Variants in AARSD1 observed in about 807,000 individuals in gnomAD.
AARSD1 encodes alanyl-tRNA synthetase domain containing 1.
In AARSD1, 44 loss-of-function variants were observed where a neutral mutation model predicts 48.7. That is an observed-to-expected ratio of 0.90 (90% CI 0.71 to 1.16). The LOEUF (loss-of-function observed/expected upper bound fraction) is 1.16. Ranked by LOEUF, AARSD1 falls within the 50% of genes most tolerant of loss-of-function variation. The pLI, the probability that AARSD1 is intolerant of heterozygous loss-of-function variation, is 0.00. For synonymous variants in AARSD1, 189 were observed against 194.9 expected (o/e 0.97, Z 0.25); for missense variants, 511 against 523.1 (o/e 0.98, Z 0.23).
chr17:42,953,650 A>C, intron 10 of AARSD1, 74 bp downstream of exon 10: 2 of 1,605,960 alleles, frequency 1.2e-6, no homozygotes, highest in Non-Finnish European at 1.7e-6. Context: ...GACTTTGGCT[A>C]AACTAGCGCC....
rs765516775 is a variant in AARSD1 at position 42,956,199 on chromosome 17, CT to C, written c.663+4del. 1 of 1,614,112 alleles carries C rather than the reference CT, an allele frequency of 6.2e-7. No individual in the cohort carries two copies. The highest frequency in any genetic ancestry group is 8.5e-7 in the Non-Finnish European group (1 of 1,180,026). Reference sequence around the variant, plus strand: ...TCAGCCACTCCACAGCCGTTCCTCACTTACCTGAAGGTCACTGAGATTGCTC... The same window carrying C: ...TCAGCCACTCCACAGCCGTTCCTCACTACCTGAAGGTCACTGAGATTGCTC... On this transcript the variant is annotated splice_donor_region_variant and intron_variant, in intron 6 of 11. Transcript: ENST00000427569.
intron 11 of AARSD1, 94 bp downstream of exon 11, chr17:42,951,706 G>A: frequency 1.5e-6 from 2 of 1,334,426 alleles, no homozygotes; most frequent in South Asian, 2.5e-5. Flanking sequence ...AATTAAATGA[G>A]ATCGCAGATG....
At position 42,954,976 on chromosome 17, in the gene AARSD1, G is replaced by T. The variant is rs1209571281; in HGVS notation, c.862-9C>A. On this transcript the variant is annotated splice_polypyrimidine_tract_variant and intron_variant, in intron 8 of 11. Transcript: ENST00000427569. Reference sequence around the variant, plus strand: ...AGCAGATTCAGGTTATTCTGAAATGGATATGGTAACTCAGTAGATAAATGG... The same window carrying T: ...AGCAGATTCAGGTTATTCTGAAATGTATATGGTAACTCAGTAGATAAATGG... 1.1e-5 allele frequency: 18 copies of T among 1,614,114 alleles called. No individual in the cohort carries two copies. Among genetic ancestry groups the T allele is most frequent in the Non-Finnish European group, 1.5e-5 (18 of 1,180,012 alleles).
At chr17:42,962,240 C>T in intron 2 of AARSD1, 1 of 288,696 alleles carries the variant, frequency 3.5e-6, no homozygotes, top group East Asian at 1.6e-4. Flanking sequence ...ACGGAGATTG[C>T]AGTAAGCCGA....
chr17:42,956,625 C>A, intron 4 of AARSD1, 65 bp from the exon 5 acceptor site: 1 of 1,079,656 alleles, frequency 9.3e-7, no homozygotes, highest in Non-Finnish European at 1.3e-6. Flanking sequence ...GAAAGCTTTT[C>A]CTCTAAAAAC....
chr17:42,962,682 ACT>A (rs1284549763), intron 2 of AARSD1, among the ~76,000 whole-genome samples: 1 of 152,110 alleles, frequency 6.6e-6, no homozygotes, highest in Non-Finnish European at 1.5e-5. Flanking sequence ...TGAAATTGGA[ACT>A]CTCTCAATAC....
rs1336912291 is a variant in AARSD1, at chr17:42,954,860, G to A, written c.953+16C>T. On this transcript the variant is annotated intron_variant, in intron 9 of 11. Transcript: ENST00000427569. ...ACACAGTTCCCCTTCCTTGTGTCCA[G>A]CTCCTAATTTCTCACCTGTGTAATA... The A allele has an allele frequency of 2.5e-6, 4 of 1,613,552 alleles. No individual in the cohort carries two copies. Among genetic ancestry groups the A allele is most frequent in the Admixed American group, 3.3e-5 (2 of 59,964 alleles).
At chr17:42,951,741 G>T in intron 11 of AARSD1, 59 bp downstream of exon 11, 1 of 1,567,028 alleles carries the variant, frequency 6.4e-7, no homozygotes, top group Non-Finnish European at 8.8e-7. Flanking sequence ...CTCAGTAAAG[G>T]AATGTATTTG....
In AARSD1 at chr17:42,957,126, C is replaced by T. The variant is rs758422641; in HGVS notation, c.389+12G>A. On this transcript the variant is annotated intron_variant, in intron 4 of 11. Transcript: ENST00000427569. ...GGGCCTGCCTACAGTTAGTCTTATG[C>T]CTCCCACTCACCATGATGTTGTCTT... 2.5e-6 allele frequency: 4 copies of T among 1,613,162 alleles called. No homozygotes were observed. The highest frequency in any genetic ancestry group is 2.5e-6 in the Non-Finnish European group (3 of 1,179,640).
intron 3 of AARSD1, among the ~76,000 whole-genome samples, chr17:42,958,499 A>C (rs1036300418): frequency 1.3e-5 from 2 of 151,962 alleles, no homozygotes; most frequent in African/African-American, 2.4e-5. Flanking sequence ...CTCAAAAAAA[A>C]ATAAAAATAA....
chr17:42,950,838 A>C (rs182135494), intron 11 of AARSD1, 110 bp from the exon 12 acceptor site: 722 of 1,453,618 alleles, frequency 5.0e-4, no homozygotes, highest in Non-Finnish European at 6.3e-4. Flanking sequence ...AGAAGAGTAG[A>C]TGACTTCTAG....
rs747908457 is a variant in AARSD1 at position 42,964,254 on chromosome 17, G to A, written c.40-17C>T. 6.3e-6 allele frequency: 10 copies of A among 1,583,276 alleles called. No homozygotes were observed. The highest frequency in any genetic ancestry group is 7.7e-6 in the Non-Finnish European group (9 of 1,171,184). ...GGTGGTGAACTGAACAGAGAGGAATGAGAGAATAAGCCCCGACCCCAGCCC... is the reference window on the plus strand; with the variant it reads ...GGTGGTGAACTGAACAGAGAGGAATAAGAGAATAAGCCCCGACCCCAGCCC... On this transcript the variant is annotated splice_polypyrimidine_tract_variant and intron_variant, in intron 1 of 11. Transcript: ENST00000427569.
At chr17:42,963,363 C>T (rs2049664747) in intron 2 of AARSD1, among the ~76,000 whole-genome samples, 1 of 150,600 alleles carries the variant, frequency 6.6e-6, no homozygotes, top group Non-Finnish European at 1.5e-5. Context: ...GAGATCATGC[C>T]ACTGCACTTC....
At chr17:42,962,492 T>C (rs903997333) in intron 2 of AARSD1, among the ~76,000 whole-genome samples, 1 of 152,026 alleles carries the variant, frequency 6.6e-6, no homozygotes, top group Non-Finnish European at 1.5e-5. Flanking sequence ...TGAAAAAGTA[T>C]ATGACGCTAG....
At chr17:42,954,081 C>CA (rs567185318) in intron 9 of AARSD1, 144 of 350,850 alleles carry the variant, frequency 4.1e-4, no homozygotes, top group Non-Finnish European at 6.8e-4. Flanking sequence ...AGGCTGGACA[C>CA]AGTGGCTCAC....
Position 42,955,926 on chromosome 17 carries a change from T to A in AARSD1, c.710A>T (p.Asn237Ile), listed in dbSNP as rs745459714. 18 of 1,614,058 alleles carry A rather than the reference T, an allele frequency of 1.1e-5. No homozygotes were observed. Among genetic ancestry groups the A allele is most frequent in the Non-Finnish European group, 1.5e-5 (18 of 1,180,024 alleles). ...CCGGTTCCCAGACAGAAATATCAGG[T>A]TGGTTCTGTTCTTTTTCCCCTTCTC... ...GTEKGKKNRT[N>I]LIFLSGNRVL... Residue 237 changes from asparagine to isoleucine, a missense_variant, in exon 7 of 12, where the codon AAC (asparagine) becomes ATC (isoleucine). Coordinates refer to ENST00000427569, the MANE Select transcript of AARSD1 (RefSeq NM_001261434.2).
rs145953347 is a variant in AARSD1 at position 42,951,919 on chromosome 17, G to C, written c.1009-25C>G. ...CCTAGGAGGTAAGACAAGGAGATAA[G>C]CTCTGATACTGAAGGATGTAGAGTC... On this transcript the variant is annotated intron_variant, in intron 10 of 11. Transcript: ENST00000427569. 165 of 1,611,508 alleles carry C rather than the reference G, an allele frequency of 1.0e-4. No individual in the cohort carries two copies. In the African/African-American group the frequency reaches 2.0e-3, roughly 19 times the overall value.
chr17:42,963,201 C>T (rs2049661688), intron 2 of AARSD1, among the ~76,000 whole-genome samples: 1 of 151,370 alleles, frequency 6.6e-6, no homozygotes, highest in Admixed American at 6.6e-5. Context: ...ATGCCTCAGC[C>T]TCCCGAGTAG....
rs559779205 is a variant in AARSD1 at position 42,957,389 on chromosome 17, C to T, written c.332-194G>A. ...TGCAAGAGGCCTTATGATACCATTT[C>T]ACAGATGAGGAAACTGAAGCCTAGA... On this transcript the variant is annotated intron_variant, in intron 3 of 11. Transcript: ENST00000427569. 10 of 534,746 alleles carry T rather than the reference C, an allele frequency of 1.9e-5. No individual in the cohort carries two copies. The South Asian group carries it at 2.6e-4, about 14-fold the overall frequency. 33.1% of individuals were successfully genotyped at this position (534,746 alleles called of 1,614,324 possible).
Sources: gnomAD v4.1 joint callset for allele counts (sites outside exome capture counted in the v4.1 genomes callset) on GRCh38, gnomAD v4.1.1 for gene constraint, MANE v1.5 for transcripts, NCBI Gene and HGNC (gene_info 2026-07-23, HGNC 2026-07-21) for gene names.